Variants in TNIK observed in about 807,000 individuals in gnomAD.
The protein encoded by TNIK is TRAF2 and NCK-interacting protein kinase.
A neutral mutation model predicts 191.3 loss-of-function variants in TNIK; 49 were observed. The ratio of observed to expected loss-of-function variants is 0.26; its 90% CI spans 0.20 to 0.32. The LOEUF (loss-of-function observed/expected upper bound fraction) is 0.32. TNIK is among the 10% of genes least tolerant of loss of function. The pLI, the probability that TNIK is intolerant of heterozygous loss-of-function variation, is 1.00. For synonymous variants in TNIK, 594 were observed against 600.9 expected, an observed-to-expected ratio of 0.99 and a Z score of 0.17; for missense variants, 1,155 against 1,702.3, an observed-to-expected ratio of 0.68 and a Z score of 5.66.
chr3:171,273,522 C>T (rs1749376532), intron 2 of TNIK, among the ~76,000 whole-genome samples: 1 of 152,216 alleles, frequency 6.6e-6, no homozygotes, highest in Non-Finnish European at 1.5e-5. Context: ...CAACCAGGTA[C>T]TATGATCTCT....
At chr3:171,398,569 C>T (rs985604234) in intron 1 of TNIK, among the ~76,000 whole-genome samples, 2 of 152,192 alleles carry the variant, frequency 1.3e-5, no homozygotes, top group African/African-American at 2.4e-5. Flanking sequence ...AACTTTCCAG[C>T]TCAGCTCCCA....
At chr3:171,083,009 T>C (rs1023380793) in intron 26 of TNIK, among the ~76,000 whole-genome samples, 1 of 152,154 alleles carries the variant, frequency 6.6e-6, no homozygotes, top group Admixed American at 6.6e-5. Flanking sequence ...ACTTCTCAGG[T>C]CTCTAAATCT....
intron 4 of TNIK, among the ~76,000 whole-genome samples, chr3:171,205,966 G>A (rs1357459719): frequency 2.0e-5 from 3 of 152,118 alleles, no homozygotes; most frequent in Non-Finnish European, 2.9e-5. Flanking sequence ...TTGAAAGTTA[G>A]GATTTCAATA....
intron 28 of TNIK, among the ~76,000 whole-genome samples, chr3:171,074,030 C>CT (rs71176590): frequency 0.87 from 126,903 of 145,392 alleles, 55,314 homozygotes; most frequent in East Asian, 0.98. Context: ...AGGAAAATAA[C>CT]TTTTTTTTTT....
chr3:171,240,441 G>A (rs909536829), intron 2 of TNIK, among the ~76,000 whole-genome samples: 1 of 152,180 alleles, frequency 6.6e-6, no homozygotes, highest in Admixed American at 6.5e-5. Context: ...CTAGGTTGCA[G>A]TAAGGATTAA....
chr3:171,170,096 C>T (rs1162718740), intron 9 of TNIK, among the ~76,000 whole-genome samples: 2 of 152,148 alleles, frequency 1.3e-5, no homozygotes, highest in Admixed American at 6.6e-5. Flanking sequence ...GTTTAAAGTA[C>T]ATTTATATAA....
At chr3:171,394,211 G>C (rs1332197983) in intron 1 of TNIK, among the ~76,000 whole-genome samples, 1 of 152,154 alleles carries the variant, frequency 6.6e-6, no homozygotes, top group Non-Finnish European at 1.5e-5. Context: ...GGTAAGCATG[G>C]AGTCAGAGGT....
At chr3:171,104,904 A>G (rs1218704713) in intron 21 of TNIK, among the ~76,000 whole-genome samples, 1 of 150,280 alleles carries the variant, frequency 6.7e-6, no homozygotes, top group Non-Finnish European at 1.5e-5. Flanking sequence ...AAACAGCGGT[A>G]AAAACAGTGT....
chr3:171,223,389 C>A (rs1269533870), intron 3 of TNIK, among the ~76,000 whole-genome samples: 1 of 152,102 alleles, frequency 6.6e-6, no homozygotes, highest in African/African-American at 2.4e-5. Context: ...AGGCAAAAGA[C>A]CATTTTTTTC....
At chr3:171,414,085 G>A (rs144638750) in intron 1 of TNIK, among the ~76,000 whole-genome samples, 1,853 of 152,164 alleles carry the variant, frequency 0.012, 26 homozygotes, top group South Asian at 0.051. Flanking sequence ...TTAGAGACTC[G>A]ATGAATCTTT....
intron 22 of TNIK, among the ~76,000 whole-genome samples, chr3:171,096,389 T>C (rs1287563660): frequency 6.6e-6 from 1 of 152,168 alleles, no homozygotes; most frequent in African/African-American, 2.4e-5. Context: ...CAATCTTCAG[T>C]AGCTCCCTGT....
chr3:171,388,519 G>A (rs1362694789), intron 1 of TNIK, among the ~76,000 whole-genome samples: 2 of 152,172 alleles, frequency 1.3e-5, no homozygotes, highest in Non-Finnish European at 2.9e-5. Flanking sequence ...AGCAATCTAT[G>A]TTACTTTGTT....
chr3:171,304,007 G>A (rs553228161), intron 2 of TNIK, among the ~76,000 whole-genome samples: 12 of 151,476 alleles, frequency 7.9e-5, no homozygotes, highest in South Asian at 2.1e-4. Flanking sequence ...AAGAAGGCCC[G>A]GGGGAGGAAG....
chr3:171,365,277 C>T (rs4894420), intron 2 of TNIK, among the ~76,000 whole-genome samples: 2 of 149,018 alleles, frequency 1.3e-5, no homozygotes, highest in Non-Finnish European at 3.0e-5. Flanking sequence ...CTGCCTCCCT[C>T]GTTCAAGTGA....
intron 28 of TNIK, among the ~76,000 whole-genome samples, chr3:171,074,450 C>T (rs1376384971): frequency 1.3e-5 from 2 of 151,966 alleles, no homozygotes; most frequent in Non-Finnish European, 2.9e-5. Flanking sequence ...GCCCAAGCCT[C>T]ACCATTATGC....
chr3:171,433,473 C>T (rs923254361), intron 1 of TNIK, among the ~76,000 whole-genome samples: 3 of 152,094 alleles, frequency 2.0e-5, no homozygotes, highest in Admixed American at 6.6e-5. Flanking sequence ...TAGGAAAAGT[C>T]ATTACCTGAA....
intron 2 of TNIK, among the ~76,000 whole-genome samples, chr3:171,255,155 T>C (rs1050155959): frequency 1.2e-4 from 18 of 152,344 alleles, no homozygotes; most frequent in African/African-American, 4.3e-4. Context: ...TTTTATCTGA[T>C]GCTGATTCAA....
chr3:171,403,650 G>GAATAGAAAT (rs1484396537), intron 1 of TNIK, among the ~76,000 whole-genome samples: 1 of 150,548 alleles, frequency 6.6e-6, no homozygotes, highest in Non-Finnish European at 1.5e-5. Context: ...AAAAGGGGGT[G>GAATAGAAAT]AATAGAAATA....
intron 1 of TNIK, among the ~76,000 whole-genome samples, chr3:171,385,221 ACTG>A (rs1481682750): frequency 6.6e-6 from 1 of 152,098 alleles, no homozygotes; most frequent in Non-Finnish European, 1.5e-5. Context: ...TGAGGTATCT[ACTG>A]CTTTGAAAAT....
Sources: allele counts gnomAD v4.1 joint callset (sites outside exome capture counted in the v4.1 genomes callset), GRCh38; gene constraint gnomAD v4.1.1; transcripts MANE v1.5; gene names NCBI Gene and HGNC (gene_info 2026-07-23, HGNC 2026-07-21).